IRF1: variants seen among roughly 807,000 people sequenced by gnomAD.
IRF1 encodes interferon regulatory factor 1.
A neutral mutation model predicts 43.7 loss-of-function variants in IRF1; 13 were observed. The observed-to-expected ratio is 0.30, with a 90% CI of 0.19 to 0.47. The LOEUF is 0.47. Ranked by LOEUF, IRF1 falls within the 20% of genes least tolerant of loss-of-function variation. The probability of loss-of-function intolerance (pLI) is 0.99; values close to 1 mark genes in which losing one functional copy is unlikely to be tolerated. For missense variants in IRF1, 236 were observed against 408.9 expected, an observed-to-expected ratio of 0.58 and a Z score of 3.65; for synonymous variants, 138 against 146.8, an observed-to-expected ratio of 0.94 and a Z score of 0.43.
intron 1 of IRF1, chr5:132,489,782 T>G: frequency 6.8e-6 from 2 of 292,240 alleles, no homozygotes; most frequent in Non-Finnish European, 1.4e-5. Context: ...AATGCACAGA[T>G]ACCCTAATTT....
In IRF1 at chr5:132,482,756, T is replaced by A. The variant is rs1280643841; in HGVS notation, c.*1195A>T. ...ACCTCCACCTCCCAGGTTCAAGCGA[T>A]TCTCTTGCCTCAGCCTCCTGAGTAG... On this transcript the variant is annotated 3_prime_UTR_variant, in exon 10 of 10. Coordinates refer to ENST00000245414, the MANE Select transcript of IRF1 (RefSeq NM_002198.3). 1 of 149,904 alleles carries A rather than the reference T, an allele frequency of 6.7e-6. No individual in the cohort carries two copies. The highest frequency in any genetic ancestry group is 2.5e-5 in the African/African-American group (1 of 40,544). 9.3% of individuals were successfully genotyped at this position (149,904 alleles called of 1,614,324 possible).
chr5:132,484,075 C>A lies in IRF1; in HGVS notation c.854G>T (p.Gly285Val). 1 of 1,613,606 alleles carries A rather than the reference C, an allele frequency of 6.2e-7. No individual in the cohort carries two copies. Among genetic ancestry groups the A allele is most frequent in the Non-Finnish European group, 8.5e-7 (1 of 1,179,734 alleles). ...ACGCTGTAGACTCAGCCCAATATCC[C>A]CTAGAAGATGTGAAGAAGGTTGTAT... is the stretch of plus-strand genomic sequence containing the variant. ...KEEPEIDSPG[G>V]DIGLSLQRVF... Residue 285 changes from glycine (G) to valine (V), a missense_variant and splice_region_variant, in exon 10 of 10, where the codon GGG (glycine) becomes GTG (valine). Physicochemically the swap from Gly to Val is moderately radical, Grantham distance 109. This residue lies in a region of IRF1 where 170 missense variants were observed against 251.8 expected (regional missense o/e 0.68). Transcript: ENST00000245414.
rs1406765942 is a variant in IRF1 at position 132,482,482 on chromosome 5, T to G, written c.*1469A>C. 6.6e-6 allele frequency: 1 copy of G among 151,988 alleles called. No homozygotes were observed. The highest frequency in any genetic ancestry group is 1.5e-5 in the Non-Finnish European group (1 of 68,034). 9.4% of individuals were successfully genotyped at this position (151,988 alleles called of 1,614,324 possible). A position where few individuals can be genotyped will look rare whatever the true frequency, so the allele number is the denominator to read the frequency against. ...ATCCGCCCGCCTCTGCCTCCCAAAG[T>G]GCTGGGATTACAGGCGTGAGCCACC... On this transcript the variant is annotated 3_prime_UTR_variant, in exon 10 of 10. Coordinates refer to ENST00000245414, the MANE Select transcript of IRF1 (RefSeq NM_002198.3).
chr5:132,488,093 G>A, intron 2 of IRF1, 68 bp from the exon 3 acceptor site: 2 of 1,214,180 alleles, frequency 1.6e-6, no homozygotes, highest in Non-Finnish European at 2.4e-6. Context: ...GGCTGAGTCT[G>A]AGACCCAGGC....
At chr5:132,489,784 C>T (rs1199407943) in intron 1 of IRF1, 1 of 292,914 alleles carries the variant, frequency 3.4e-6, no homozygotes, top group Non-Finnish European at 6.7e-6. Flanking sequence ...TGCACAGATA[C>T]CCTAATTTCA....
intron 2 of IRF1, chr5:132,488,746 C>T (rs1423069191): frequency 1.3e-5 from 2 of 153,326 alleles, no homozygotes; most frequent in Non-Finnish European, 2.9e-5. Context: ...ATCTACCTCT[C>T]AGTGCCTCTG....
At chr5:132,484,293 C>G in intron 9 of IRF1, 69 bp downstream of exon 9, 2 of 1,584,600 alleles carry the variant, frequency 1.3e-6, no homozygotes, top group Non-Finnish European at 1.7e-6. Flanking sequence ...GGCCCTGCCC[C>G]CAAGCTTTCT....
rs1417392247 is a variant in IRF1 at position 132,484,033 on chromosome 5, T to G, written c.896A>C (p.Lys299Thr). 1 of 1,613,866 alleles carries G rather than the reference T, an allele frequency of 6.2e-7. No homozygotes were observed. Among genetic ancestry groups the G allele is most frequent in the Non-Finnish European group, 8.5e-7 (1 of 1,179,986 alleles). Reference protein sequence around the residue: ...LSLQRVFTDLKNMDATWLDSL... With the variant: ...LSLQRVFTDLTNMDATWLDSL... ...GTCCAGCCAGGTGGCATCCATGTTC[T>G]TCAGATCTGTGAAGACACGCTGTAG... is the stretch of plus-strand genomic sequence containing the variant. Residue 299 changes from lysine to threonine, a missense_variant, in exon 10 of 10, where the codon AAG (lysine) becomes ACG (threonine). By Grantham distance (78) the Lys-to-Thr change is moderately conservative (BLOSUM62 -1). This residue lies in a region of IRF1 where 170 missense variants were observed against 251.8 expected (regional missense o/e 0.68). Coordinates refer to ENST00000245414, the MANE Select transcript of IRF1 (RefSeq NM_002198.3).
intron 8 of IRF1, chr5:132,485,290 C>T: frequency 5.1e-6 from 1 of 195,696 alleles, no homozygotes; most frequent in Non-Finnish European, 1.1e-5. Context: ...TCTATAAAGC[C>T]ATCATCATAT....
At chr5:132,485,411 C>T (rs1323406233) in intron 8 of IRF1, 4 of 526,726 alleles carry the variant, frequency 7.6e-6, no homozygotes, top group Non-Finnish European at 1.4e-5. Context: ...GCTGATAGTG[C>T]CTGACTCACA....
intron 8 of IRF1, 28 bp downstream of exon 8, chr5:132,485,639 A>G: frequency 6.4e-7 from 1 of 1,572,924 alleles, no homozygotes; most frequent in Non-Finnish European, 8.8e-7. Context: ...GGTCACTTCA[A>G]GAGTGCCCAG....
At chr5:132,485,483 T>C in intron 8 of IRF1, 184 bp downstream of exon 8, 1 of 665,260 alleles carries the variant, frequency 1.5e-6, no homozygotes, top group Non-Finnish European at 2.8e-6. Context: ...GCCTCCCACC[T>C]GCCTTCCCTT....
At chr5:132,487,766 C>T in intron 3 of IRF1, 160 bp downstream of exon 3, 1 of 604,872 alleles carries the variant, frequency 1.7e-6, no homozygotes. Context: ...GATCGACTCT[C>T]TTCTCCAGAA....
intron 8 of IRF1, chr5:132,484,766 C>T (rs986597268): frequency 2.2e-6 from 1 of 464,802 alleles, no homozygotes; most frequent in Admixed American, 3.6e-5. Context: ...TCCCTCTCAA[C>T]TGTGTAAGGA....
rs1452781412 is a variant in IRF1, at chr5:132,490,375, G to A, written c.-6+170C>T. On this transcript the variant is annotated intron_variant, in intron 1 of 9. Transcript: ENST00000245414. The surrounding 1 kb of genome is among the most constrained non-coding windows in gnomAD (Gnocchi z 5.8). ...CCGCGTCCCGCCCTCCCCGCGCCGCGGCCCGCGGCTCGCAGCTCCTCCGGC... is the reference window on the plus strand; with the variant it reads ...CCGCGTCCCGCCCTCCCCGCGCCGCAGCCCGCGGCTCGCAGCTCCTCCGGC... 1 of 149,630 alleles carries A rather than the reference G, an allele frequency of 6.7e-6. No individual in the cohort carries two copies. Among genetic ancestry groups the A allele is most frequent in the African/African-American group, 2.4e-5 (1 of 41,142 alleles). 9.3% of individuals were successfully genotyped at this position (149,630 alleles called of 1,614,324 possible). A position where few individuals can be genotyped will look rare whatever the true frequency, so the allele number is the denominator to read the frequency against.
chr5:132,485,975 T>C (rs1203131225), intron 7 of IRF1: 7 of 598,210 alleles, frequency 1.2e-5, no homozygotes, highest in East Asian at 5.6e-5. Context: ...CACCCTCAGA[T>C]GCTGGGCTAC....
Position 132,489,999 on chromosome 5 carries a change from A to G in IRF1, c.-5-516T>C, listed in dbSNP as rs562170229. On this transcript the variant is annotated intron_variant, in intron 1 of 9. Transcript: ENST00000245414. ...CCCACAACGCTAAGACCAGGACGCT[A>G]ACCCTTCCGGCCCGGTTTCCCCTCC... 2.5e-5 allele frequency: 4 copies of G among 159,348 alleles called. No individual in the cohort carries two copies. The South Asian group carries it at 6.5e-4, about 26-fold the overall frequency. The allele number at this position is 159,348 out of a possible 1,614,324, so 9.9% of individuals were successfully genotyped here. A position where few individuals can be genotyped will look rare whatever the true frequency, so the allele number is the denominator to read the frequency against.
intron 8 of IRF1, 154 bp from the exon 9 acceptor site, chr5:132,484,651 A>T (rs1424903532): frequency 1.1e-6 from 1 of 914,736 alleles, no homozygotes; most frequent in African/African-American, 1.7e-5. Context: ...TGCAGTCAGG[A>T]CAAGGGCCCG....
rs1754696968 is a variant in IRF1 at position 132,490,669 on chromosome 5, A to T, written c.-130T>A. On this transcript the variant is annotated 5_prime_UTR_variant, in exon 1 of 10. Transcript: ENST00000245414. The surrounding 1 kb of genome is among the most constrained non-coding windows in gnomAD (Gnocchi z 5.8). ...AGAAGGCAGAGGTTGCCGGGTTCTT[A>T]AGGCCGCCGGGCACGGCCGGCGTGG... is the stretch of plus-strand genomic sequence containing the variant. 1.3e-5 allele frequency: 2 copies of T among 152,256 alleles called. No individual in the cohort carries two copies. Among genetic ancestry groups the T allele is most frequent in the Non-Finnish European group, 2.9e-5 (2 of 68,004 alleles). 9.4% of individuals were successfully genotyped at this position (152,256 alleles called of 1,614,324 possible). A position where few individuals can be genotyped will look rare whatever the true frequency, so the allele number is the denominator to read the frequency against.
Sources: allele counts gnomAD v4.1 joint callset, GRCh38; gene constraint gnomAD v4.1.1; regional missense constraint gnomAD v4.1.1; non-coding constraint Gnocchi (gnomAD v3.1); transcripts MANE v1.5; gene names NCBI Gene and HGNC (gene_info 2026-07-23, HGNC 2026-07-21).